NTRK2: variants seen among roughly 807,000 people sequenced by gnomAD.
The protein encoded by NTRK2 is neurotrophic receptor tyrosine kinase 2.
A neutral mutation model predicts 94.5 loss-of-function variants in NTRK2; 13 were observed. The observed-to-expected ratio is 0.14, with a 90% CI of 0.09 to 0.22. The LOEUF (loss-of-function observed/expected upper bound fraction) is 0.22. Ranked by LOEUF, NTRK2 falls within the 10% of genes least tolerant of loss-of-function variation. The pLI is 1.00. For synonymous variants in NTRK2, 372 were observed against 407.4 expected, an observed-to-expected ratio of 0.91 and a Z score of 1.05; for missense variants, 639 against 1,071.2, an observed-to-expected ratio of 0.60 and a Z score of 5.63.
At chr9:84,795,099 T>C (rs1168587660) in intron 12 of NTRK2, among the ~76,000 whole-genome samples, 1 of 152,174 alleles carries the variant, frequency 6.6e-6, no homozygotes, top group East Asian at 1.9e-4. Context: ...TGGTCAAAAC[T>C]GGGATTATAT....
At chr9:84,798,912 C>CTATATATATATATA (rs57167822) in intron 12 of NTRK2, among the ~76,000 whole-genome samples, 3,570 of 127,190 alleles carry the variant, frequency 0.028, 123 homozygotes, top group African/African-American at 0.033. Flanking sequence ...CTTCTAAGTG[C>CTATATATATATATA]TATATATATA....
intron 12 of NTRK2, among the ~76,000 whole-genome samples, chr9:84,783,651 G>T (rs1327417047): frequency 6.6e-6 from 1 of 152,128 alleles, no homozygotes; most frequent in Non-Finnish European, 1.5e-5. Context: ...TGTGAGAGTT[G>T]GGGAAAGAGC....
chr9:84,997,739 G>T (rs1829914764), intron 17 of NTRK2, among the ~76,000 whole-genome samples: 1 of 152,206 alleles, frequency 6.6e-6, no homozygotes, highest in Admixed American at 6.5e-5. Flanking sequence ...GGGCTAAGCT[G>T]CAGCTGCTTA....
rs191061048 is a variant in NTRK2 at position 84,706,256 on chromosome 9, A to G, written c.360-1588A>G. 2.3e-3 allele frequency among the ~76,000 whole-genome samples: 347 copies of G among 152,152 alleles called. 1 individual carries two copies. Among genetic ancestry groups the G allele is most frequent in the South Asian group, 8.5e-3 (41 of 4,818 alleles). On this transcript the variant is annotated intron_variant, in intron 4 of 18. Coordinates refer to ENST00000277120, the MANE Select transcript of NTRK2 (RefSeq NM_006180.6). ...GTACCCTGTGTAGGTAGGGGTTTGGATGAGTGGAGATCTTAATATAGAATT... is the reference window on the plus strand; with the variant it reads ...GTACCCTGTGTAGGTAGGGGTTTGGGTGAGTGGAGATCTTAATATAGAATT...
chr9:84,813,878 A>G (rs201233134), intron 12 of NTRK2: 19 of 1,065,478 alleles, frequency 1.8e-5, no homozygotes, highest in Non-Finnish European at 2.2e-5. Context: ...ATCTTATTAT[A>G]TTTACTCATG....
At chr9:84,811,101 A>G (rs1382750985) in intron 12 of NTRK2, 2 of 1,068,864 alleles carry the variant, frequency 1.9e-6, no homozygotes, top group Non-Finnish European at 2.3e-6. Flanking sequence ...AGAGGGTTTG[A>G]CTTTTTCATC....
chr9:84,938,434 C>T (rs954194256), intron 15 of NTRK2, among the ~76,000 whole-genome samples: 5 of 152,208 alleles, frequency 3.3e-5, no homozygotes, highest in African/African-American at 9.6e-5. Flanking sequence ...AGTTGTCCCT[C>T]TTGGGAAGGA....
intron 17 of NTRK2, among the ~76,000 whole-genome samples, chr9:84,985,615 G>A (rs1192258007): frequency 6.6e-6 from 1 of 152,184 alleles, no homozygotes; most frequent in African/African-American, 2.4e-5. Context: ...ATGTTATTGT[G>A]ATAGCTTTCT....
intron 17 of NTRK2, among the ~76,000 whole-genome samples, chr9:84,980,467 T>TGGGA (rs1209158585): frequency 2.6e-5 from 4 of 152,208 alleles, no homozygotes; most frequent in African/African-American, 9.6e-5. Context: ...CTTAAAATAG[T>TGGGA]TGCACAGCAT....
At chr9:84,956,098 C>T (rs992454959) in intron 17 of NTRK2, among the ~76,000 whole-genome samples, 1 of 152,134 alleles carries the variant, frequency 6.6e-6, no homozygotes, top group Non-Finnish European at 1.5e-5. Context: ...TGAGGTTTGG[C>T]TTTGATTCTG....
rs533961041 is a variant in NTRK2, at chr9:84,996,506, A to C, written c.2173-23700A>C. Among the ~76,000 whole-genome samples the C allele has an allele frequency of 2.0e-5, 3 of 152,352 alleles. No homozygotes were observed. In the East Asian group the frequency reaches 5.8e-4, roughly 29 times the overall value. The stretch of plus-strand genomic sequence containing the variant: ...TTCTTCCTTCTATCGCTATCTCCTG[A>C]CATCACACACGTGGAGGAGAAAGAC... On this transcript the variant is annotated intron_variant, in intron 17 of 18. Transcript: ENST00000277120.
Position 85,017,659 on chromosome 9 carries a change from T to C in NTRK2, c.2173-2547T>C, listed in dbSNP as rs149968094. Among the ~76,000 whole-genome samples, 339 of 152,342 alleles carry C rather than the reference T, an allele frequency of 2.2e-3. 4 individuals are homozygous for C. Among genetic ancestry groups the C allele is most frequent in the African/African-American group, 6.8e-3 (281 of 41,588 alleles). On this transcript the variant is annotated intron_variant, in intron 17 of 18. Coordinates refer to ENST00000277120, the MANE Select transcript of NTRK2 (RefSeq NM_006180.6). ...TCAGTCCCTGATGGATCTCCTTGAA[T>C]TGAAGAGGGTTGCAATTTACAGTAC...
Position 84,870,867 on chromosome 9 carries a change from T to C in NTRK2, c.1633+3436T>C, listed in dbSNP as rs146731869. Among the ~76,000 whole-genome samples the C allele has an allele frequency of 2.8e-3, 432 of 152,316 alleles. 1 individual carries two copies. The highest frequency in any genetic ancestry group is 9.9e-3 in the African/African-American group (413 of 41,574). On this transcript the variant is annotated intron_variant, in intron 14 of 18. Transcript: ENST00000277120. ...TTTACTTCTCTTTCCTAAAACTGCA[T>C]GCTATTCAAAGATGTTGACTTTAGA...
rs201784411 is a variant in NTRK2 at position 84,874,065 on chromosome 9, C to T, written c.1633+6634C>T. 5.9e-5 allele frequency: 63 copies of T among 1,064,314 alleles called. No homozygotes were observed. The African/African-American group carries it at 9.5e-4, about 16-fold the overall frequency. 65.9% of individuals were successfully genotyped at this position (1,064,314 alleles called of 1,614,324 possible). On this transcript the variant is annotated intron_variant, in intron 14 of 18. Coordinates refer to ENST00000277120, the MANE Select transcript of NTRK2 (RefSeq NM_006180.6). Reference sequence around the variant, plus strand: ...GATGGAGGATCCTAATGTATTTGTTCTGGGTATTTCCCAAGGCCCAGCCTG... The same window carrying T: ...GATGGAGGATCCTAATGTATTTGTTTTGGGTATTTCCCAAGGCCCAGCCTG...
At chr9:84,996,009 G>A (rs1829706054) in intron 17 of NTRK2, among the ~76,000 whole-genome samples, 1 of 152,154 alleles carries the variant, frequency 6.6e-6, no homozygotes, top group African/African-American at 2.4e-5. Context: ...TATCTGATTG[G>A]CTACAAGTCT....
intron 17 of NTRK2, among the ~76,000 whole-genome samples, chr9:85,004,053 G>GAAAGGA (rs1316613240): frequency 1.5e-5 from 1 of 64,822 alleles, no homozygotes; most frequent in Admixed American, 1.6e-4. Flanking sequence ...AAGGGAGAAA[G>GAAAGGA]AGAAAGAAAG....
chr9:84,810,736 A>C, intron 12 of NTRK2: 1 of 1,525,172 alleles, frequency 6.6e-7, no homozygotes, highest in Non-Finnish European at 8.8e-7. Context: ...AGGCTGTACT[A>C]TATGAAGCCT....
intron 12 of NTRK2, among the ~76,000 whole-genome samples, chr9:84,803,699 C>T (rs187858787): frequency 1.1e-4 from 16 of 152,274 alleles, no homozygotes; most frequent in Admixed American, 5.9e-4. Flanking sequence ...CCTGGCCAAA[C>T]GGAACCCAGG....
chr9:84,929,488 C>CT (rs931143804), intron 14 of NTRK2, among the ~76,000 whole-genome samples: 14 of 151,454 alleles, frequency 9.2e-5, no homozygotes, highest in East Asian at 3.9e-4. Context: ...CTATAAAACT[C>CT]TTTTTTTTAA....
Sources: gnomAD v4.1 joint callset for allele counts (sites outside exome capture counted in the v4.1 genomes callset) on GRCh38, gnomAD v4.1.1 for gene constraint, MANE v1.5 for transcripts, NCBI Gene and HGNC (gene_info 2026-07-23, HGNC 2026-07-21) for gene names.